Variants in DRC11 observed in about 807,000 individuals in gnomAD.
DRC11 encodes IQ and AAA domain-containing protein 1.
At chr2:236,455,445 G>C in the DRC11 span, among the ~76,000 whole-genome samples, 1 of 152,232 alleles carries the variant, frequency 6.6e-6, no homozygotes, top group Non-Finnish European at 1.5e-5. The surrounding 1 kb of genome is among the most constrained non-coding windows in gnomAD (Gnocchi z 5.7). Flanking sequence ...TTTTAAAGTC[G>C]TGACTAGTGA....
chr2:236,392,070 A>G, the DRC11 span: 9 of 1,613,322 alleles, frequency 5.6e-6, no homozygotes, highest in Non-Finnish European at 7.6e-6. This position sits in a 1 kb window ranked among gnomAD's most constrained non-coding sequence, Gnocchi z 5.1. Context: ...CAACTCATCA[A>G]CCTAGGAGAA....
At chr2:236,380,867 G>A in the DRC11 span, among the ~76,000 whole-genome samples, 1 of 152,296 alleles carries the variant, frequency 6.6e-6, no homozygotes, top group East Asian at 1.9e-4. This position sits in a 1 kb window ranked among gnomAD's most constrained non-coding sequence, Gnocchi z 4.9. Flanking sequence ...CCCCACTGTG[G>A]AACTTGCACA....
chr2:236,447,682 T>A, the DRC11 span, among the ~76,000 whole-genome samples: 1 of 152,246 alleles, frequency 6.6e-6, no homozygotes, highest in African/African-American at 2.4e-5. The surrounding 1 kb of genome is among the most constrained non-coding windows in gnomAD (Gnocchi z 4.6). Context: ...TTCTTGTTTC[T>A]CCTCTTCTGT....
At chr2:236,399,598 T>G in the DRC11 span, 5 of 857,742 alleles carry the variant, frequency 5.8e-6, no homozygotes, top group South Asian at 1.5e-5. This position sits in a 1 kb window ranked among gnomAD's most constrained non-coding sequence, Gnocchi z 7.0. Context: ...CCAGTCCTGG[T>G]CCCCCTGGGC....
chr2:236,503,254 T>C, the DRC11 span, among the ~76,000 whole-genome samples: 3 of 152,094 alleles, frequency 2.0e-5, no homozygotes, highest in African/African-American at 7.2e-5. This position sits in a 1 kb window ranked among gnomAD's most constrained non-coding sequence, Gnocchi z 4.9. Context: ...AGATCTCGGG[T>C]TGAAGAGGCT....
chr2:236,483,865 T>G, the DRC11 span, among the ~76,000 whole-genome samples: 2 of 152,242 alleles, frequency 1.3e-5, no homozygotes, highest in African/African-American at 2.4e-5. This position sits in a 1 kb window ranked among gnomAD's most constrained non-coding sequence, Gnocchi z 4.8. Flanking sequence ...TAATTTATTT[T>G]AAATCCTAAA....
chr2:236,347,308 G>A, the DRC11 span, among the ~76,000 whole-genome samples: 1 of 151,960 alleles, frequency 6.6e-6, no homozygotes, highest in South Asian at 2.1e-4. Flanking sequence ...TATGGAAAAC[G>A]GTGTGGAGAT....
At chr2:236,368,416 G>C in the DRC11 span, 5 of 626,988 alleles carry the variant, frequency 8.0e-6, no homozygotes, top group South Asian at 7.7e-5. Context: ...TCAGAGCAAA[G>C]AGAATCCTAT....
chr2:236,350,939 C>A, the DRC11 span, among the ~76,000 whole-genome samples: 1 of 152,032 alleles, frequency 6.6e-6, no homozygotes, highest in East Asian at 1.9e-4. The surrounding 1 kb of genome is among the most constrained non-coding windows in gnomAD (Gnocchi z 5.2). Flanking sequence ...CAGTGTCAAG[C>A]GGAAGCTACT....
chr2:236,343,625 G>C, the DRC11 span: 1 of 918,540 alleles, frequency 1.1e-6, no homozygotes, highest in South Asian at 1.4e-5. The surrounding 1 kb of genome is among the most constrained non-coding windows in gnomAD (Gnocchi z 6.6). Context: ...CACGTGAGAC[G>C]AAACACTGCC....
At chr2:236,487,892 A>T in the DRC11 span, 2 of 619,278 alleles carry the variant, frequency 3.2e-6, no homozygotes, top group Non-Finnish European at 5.2e-6. Context: ...TAGTTCTATT[A>T]AGGGTAGGAT....
chr2:236,432,499 T>C, the DRC11 span, among the ~76,000 whole-genome samples: 2 of 152,194 alleles, frequency 1.3e-5, no homozygotes, highest in African/African-American at 4.8e-5. Flanking sequence ...GTGAGGTTGA[T>C]CATCTTTTCA....
chr2:236,324,628 A>C, the DRC11 span: 2 of 976,634 alleles, frequency 2.0e-6, no homozygotes, highest in Non-Finnish European at 3.2e-6. This position sits in a 1 kb window ranked among gnomAD's most constrained non-coding sequence, Gnocchi z 5.7. Context: ...TCCCAGAGAG[A>C]CTCAAGCATG....
At chr2:236,419,607 G>C in the DRC11 span, among the ~76,000 whole-genome samples, 1 of 152,216 alleles carries the variant, frequency 6.6e-6, no homozygotes, top group Non-Finnish European at 1.5e-5. The surrounding 1 kb of genome is among the most constrained non-coding windows in gnomAD (Gnocchi z 4.8). Flanking sequence ...CTCAGCAACA[G>C]CTGGATGTGC....
chr2:236,343,611 G>T, the DRC11 span: 1 of 752,280 alleles, frequency 1.3e-6, no homozygotes, highest in Non-Finnish European at 2.1e-6. The surrounding 1 kb of genome is among the most constrained non-coding windows in gnomAD (Gnocchi z 6.6). Context: ...CTCCAGGTGT[G>T]TGACACGTGA....
chr2:236,498,821 A>C, the DRC11 span, among the ~76,000 whole-genome samples: 1 of 152,036 alleles, frequency 6.6e-6, no homozygotes, highest in Non-Finnish European at 1.5e-5. Flanking sequence ...CAATACCTTC[A>C]TGGTAGAGAT....
At chr2:236,441,321 G>T in the DRC11 span, among the ~76,000 whole-genome samples, 1 of 152,072 alleles carries the variant, frequency 6.6e-6, no homozygotes. Context: ...CCTTCCTCTA[G>T]AGAATTGTTA....
chr2:236,400,252 C>G, the DRC11 span, among the ~76,000 whole-genome samples: 1 of 152,120 alleles, frequency 6.6e-6, no homozygotes, highest in African/African-American at 2.4e-5. The surrounding 1 kb of genome is among the most constrained non-coding windows in gnomAD (Gnocchi z 7.9). Context: ...GCTTCCTTCC[C>G]GGAGCCAGAG....
the DRC11 span, among the ~76,000 whole-genome samples, chr2:236,414,555 G>A: frequency 6.6e-6 from 1 of 152,010 alleles, no homozygotes; most frequent in Non-Finnish European, 1.5e-5. Flanking sequence ...CCAACTCCTG[G>A]CCTCAAGTGA....
Sources: allele counts gnomAD v4.1 joint callset (sites outside exome capture counted in the v4.1 genomes callset), GRCh38; gene constraint gnomAD v4.1.1; non-coding constraint Gnocchi (gnomAD v3.1); transcripts MANE v1.5; gene names NCBI Gene and HGNC (gene_info 2026-07-23, HGNC 2026-07-21).